The following ADGRF1 variants were observed in gnomAD, a reference collection of about 807,000 sequenced individuals.
ADGRF1 encodes adhesion G protein-coupled receptor F1.
ADGRF1 carries 85 observed loss-of-function variants against 87.2 expected under a neutral mutation model. That is an observed-to-expected ratio of 0.97 (90% CI 0.82 to 1.17). The LOEUF is 1.17. ADGRF1 is among the 50% of genes most tolerant of loss of function. The pLI is 0.00. For synonymous variants in ADGRF1, 430 were observed against 408.8 expected, an observed-to-expected ratio of 1.05 and a Z score of -0.63; for missense variants, 1,169 against 1,077.2, an observed-to-expected ratio of 1.09 and a Z score of -1.19.
chr6:47,020,971 T>A (rs959791059), intron 6 of ADGRF1, among the ~76,000 whole-genome samples, 182 bp from the exon 7 acceptor site: 11 of 152,202 alleles, frequency 7.2e-5, no homozygotes, highest in African/African-American at 2.7e-4. Flanking sequence ...TGTGAATGTA[T>A]ACATACACAC....
chr6:47,037,550 C>T (rs1780620745), intron 1 of ADGRF1, among the ~76,000 whole-genome samples: 1 of 152,168 alleles, frequency 6.6e-6, no homozygotes, highest in Admixed American at 6.6e-5. Flanking sequence ...TTCTGTTGCC[C>T]AGGCTGGGGT....
At chr6:47,037,879 G>C (rs987279796) in intron 1 of ADGRF1, among the ~76,000 whole-genome samples, 2 of 152,094 alleles carry the variant, frequency 1.3e-5, no homozygotes, top group Non-Finnish European at 2.9e-5. Flanking sequence ...TTTGTGTTTT[G>C]AGACGGAGTC....
At chr6:47,008,277 A>G (rs1023269768) in intron 11 of ADGRF1, among the ~76,000 whole-genome samples, 4 of 152,186 alleles carry the variant, frequency 2.6e-5, no homozygotes, top group African/African-American at 9.6e-5. Flanking sequence ...AGATTCATCA[A>G]AACCTAATGA....
intron 5 of ADGRF1, among the ~76,000 whole-genome samples, chr6:47,023,107 G>A (rs1780116160): frequency 6.6e-6 from 1 of 152,110 alleles, no homozygotes. Context: ...AAGCCACTGT[G>A]CCCATCTTTC....
Position 47,013,674 on chromosome 6 carries a change from G to T in ADGRF1, c.927+1007C>A. On this transcript the variant is annotated intron_variant, in intron 9 of 14. Coordinates refer to ENST00000371253, the MANE Select transcript of ADGRF1 (RefSeq NM_153840.4). Reference sequence around the variant, plus strand: ...GAGGGCATAGCACCTGATGTGGTTTGGCTCTGTGTCCCCACCCAAATCTTA... The same window carrying T: ...GAGGGCATAGCACCTGATGTGGTTTTGCTCTGTGTCCCCACCCAAATCTTA... 3 of 985,114 alleles carry T rather than the reference G, an allele frequency of 3.0e-6. No homozygotes were observed. In the South Asian group the frequency reaches 1.4e-4, roughly 46 times the overall value. 61.0% of individuals were successfully genotyped at this position (985,114 alleles called of 1,614,324 possible).
rs819497 is a variant in ADGRF1 at position 46,999,601 on chromosome 6, C to T, written c.*621G>A. 14,075 of 152,288 alleles carry T rather than the reference C, an allele frequency of 0.092. 1,515 individuals are homozygous for T. Among genetic ancestry groups the T allele is most frequent in the African/African-American group, 0.25 (10,385 of 41,476 alleles). The allele number at this position is 152,288 out of a possible 1,614,324, so 9.4% of individuals were successfully genotyped here. ...AACTGAAAAATACCACATTATATATCATATCACATTATTATACTTTCTGAT... is the reference window on the plus strand; with the variant it reads ...AACTGAAAAATACCACATTATATATTATATCACATTATTATACTTTCTGAT... On this transcript the variant is annotated 3_prime_UTR_variant, in exon 15 of 15. Transcript: ENST00000371253.
rs574816727 is a variant in ADGRF1 at position 47,016,639 on chromosome 6, G to T, written c.741C>A (p.Gly247=). 125 of 1,609,650 alleles carry T rather than the reference G, an allele frequency of 7.8e-5. 1 individual carries two copies. In the South Asian group the frequency reaches 1.2e-3, roughly 16 times the overall value. ...ALHKLFPLED[G]SFRVFGKAQC... is the part of the protein sequence containing the mutation. ...TACCTTTTCCGAACACTCTGAAAGAGCCGTCTTCTAATGGAAACAGCTTGT... is the reference window on the plus strand; with the variant it reads ...TACCTTTTCCGAACACTCTGAAAGATCCGTCTTCTAATGGAAACAGCTTGT... Residue 247 remains glycine, a synonymous_variant, in exon 8 of 15, where the codon GGC becomes GGA. Coordinates refer to ENST00000371253, the MANE Select transcript of ADGRF1 (RefSeq NM_153840.4).
chr6:47,001,181 G>A (rs1183162055), intron 14 of ADGRF1, among the ~76,000 whole-genome samples: 1 of 152,290 alleles, frequency 6.6e-6, no homozygotes, highest in South Asian at 2.1e-4. Context: ...GACATAAATC[G>A]TGTTAGTCTA....
chr6:47,000,259 T>C lies in ADGRF1; in HGVS notation c.2696A>G (p.Asp899Gly). 1 of 1,607,616 alleles carries C rather than the reference T, an allele frequency of 6.2e-7. No homozygotes were observed. The highest frequency in any genetic ancestry group is 8.5e-7 in the Non-Finnish European group (1 of 1,175,996). ...YAFSHTGDSS[D>G]NIMLTQFVSN... ...GACAAACTGAGTTAGCATGATGTTGTCGGAGGAATCTCCAGTATGAGAAAA... is the reference window on the plus strand; with the variant it reads ...GACAAACTGAGTTAGCATGATGTTGCCGGAGGAATCTCCAGTATGAGAAAA... Residue 899 changes from aspartate to glycine, a missense_variant, in exon 15 of 15, where the codon GAC becomes GGC. Coordinates refer to ENST00000371253, the MANE Select transcript of ADGRF1 (RefSeq NM_153840.4).
chr6:47,018,526 C>T lies in ADGRF1; in HGVS notation c.612-1758G>A, dbSNP rs369826897. 3.6e-4 allele frequency: 460 copies of T among 1,289,678 alleles called. 7 individuals carry two copies. The South Asian group carries it at 5.1e-3, about 14-fold the overall frequency. The allele number at this position is 1,289,678 out of a possible 1,614,324, so 79.9% of individuals were successfully genotyped here. On this transcript the variant is annotated intron_variant, in intron 7 of 14. Coordinates refer to ENST00000371253, the MANE Select transcript of ADGRF1 (RefSeq NM_153840.4). ...CTATTGATTACAGAGTATTTTCCTGCTTGTTATAGGTTTGATTTAGTGAAG... is the reference window on the plus strand; with the variant it reads ...CTATTGATTACAGAGTATTTTCCTGTTTGTTATAGGTTTGATTTAGTGAAG...
At position 47,024,104 on chromosome 6, in the gene ADGRF1, G is replaced by A; in HGVS notation, c.391C>T (p.Pro131Ser). The change falls in exon 5 of 15, where the codon CCA (proline) becomes TCA (serine). Residue 131 changes from proline (P) to serine (S), a missense_variant. Coordinates refer to ENST00000371253, the MANE Select transcript of ADGRF1 (RefSeq NM_153840.4). ...NCYLHTAGALPSCECHLNNLS... is the reference protein window; with the variant it reads ...NCYLHTAGALSSCECHLNNLS... ...TTGTTGAGATGACATTCACAGCTTG[G>A]GAGTGCTCCAGCCGTGTGAAGGTAG... 1 of 1,614,078 alleles carries A rather than the reference G, an allele frequency of 6.2e-7. No individual in the cohort carries two copies. The highest frequency in any genetic ancestry group is 1.3e-5 in the African/African-American group (1 of 75,028).
intron 2 of ADGRF1, 68 bp downstream of exon 2, chr6:47,028,925 T>G (rs766259388): frequency 7.1e-5 from 87 of 1,227,472 alleles, no homozygotes; most frequent in Non-Finnish European, 9.9e-5. Context: ...GAGTGAGGGG[T>G]TCTAAAAGTG....
Position 47,005,976 on chromosome 6 carries a change from T to G in ADGRF1, c.2533-100A>C, listed in dbSNP as rs1779515497. ...TTGAAATGGTTATTTAATAGTATTA[T>G]TTCCTAGAAGCAGTTAGTAGACCAT... On this transcript the variant is annotated intron_variant, in intron 12 of 14. Coordinates refer to ENST00000371253, the MANE Select transcript of ADGRF1 (RefSeq NM_153840.4). The G allele has an allele frequency of 1.3e-5, 9 of 687,586 alleles. No homozygotes were observed. The South Asian group carries it at 1.6e-4, about 12-fold the overall frequency. The allele number at this position is 687,586 out of a possible 1,614,324, so 42.6% of individuals were successfully genotyped here.
Position 47,022,048 on chromosome 6 carries a change from G to GC in ADGRF1, c.461dup (p.Thr155HisfsTer5). On this transcript the variant is annotated frameshift_variant, in exon 6 of 15. Transcript: ENST00000371253. LOFTEE classifies it high-confidence loss of function. Reference sequence around the variant, plus strand: ...TAAACCTTTCATTAATTTTGAAAGTGCCCCAAATCTCTGTAGGAAATAAAA... The same window carrying GC: ...TAAACCTTTCATTAATTTTGAAAGTGCCCCCAAATCTCTGTAGGAAATAAAA... 1 of 1,555,928 alleles carries GC rather than the reference G, an allele frequency of 6.4e-7. No individual in the cohort carries two copies. Among genetic ancestry groups the GC allele is most frequent in the Non-Finnish European group, 8.7e-7 (1 of 1,148,546 alleles).
chr6:47,016,478 C>T (rs1400624748), intron 8 of ADGRF1, 139 bp downstream of exon 8: 10 of 886,000 alleles, frequency 1.1e-5, no homozygotes, highest in Admixed American at 3.0e-5. Context: ...CTGGGGGAAA[C>T]AGCTGCCTGT....
At chr6:47,006,841 T>TAA (rs1453835022) in intron 12 of ADGRF1, among the ~76,000 whole-genome samples, 1 of 152,206 alleles carries the variant, frequency 6.6e-6, no homozygotes, top group African/African-American at 2.4e-5. Flanking sequence ...TATTAACACT[T>TAA]ACTGTTTAAA....
In ADGRF1 at chr6:47,009,197, A is replaced by T; in HGVS notation, c.2238T>A (p.Ala746=). The T allele has an allele frequency of 6.2e-7, 1 of 1,614,178 alleles. No homozygotes were observed. Among genetic ancestry groups the T allele is most frequent in the Non-Finnish European group, 8.5e-7 (1 of 1,180,034 alleles). ...CAATAGCCAGTGCAGGGACAACAAA[A>T]GCCAGGAGTGGTTTGCTTCCATTGG... ...NWSNGSKPLL[A]FVVPALAIVA... Residue 746 remains alanine, a synonymous_variant, in exon 11 of 15, where the codon GCT becomes GCA. Coordinates refer to ENST00000371253, the MANE Select transcript of ADGRF1 (RefSeq NM_153840.4).
intron 1 of ADGRF1, among the ~76,000 whole-genome samples, chr6:47,031,272 C>T (rs1161284129): frequency 2.9e-5 from 4 of 137,502 alleles, no homozygotes; most frequent in Admixed American, 2.9e-4. Context: ...TCTCTCTCTT[C>T]TCTCTCTCTC....
At chr6:47,028,492 T>G (rs1296932833) in intron 2 of ADGRF1, among the ~76,000 whole-genome samples, 1 of 152,158 alleles carries the variant, frequency 6.6e-6, no homozygotes, top group Non-Finnish European at 1.5e-5. Flanking sequence ...CGAGGTCCGC[T>G]GGATTCCCAG....
Sources: allele counts gnomAD v4.1 joint callset (sites outside exome capture counted in the v4.1 genomes callset), GRCh38; gene constraint gnomAD v4.1.1; transcripts MANE v1.5; gene names NCBI Gene and HGNC (gene_info 2026-07-23, HGNC 2026-07-21).